ZNF292: variants seen among roughly 807,000 people sequenced by gnomAD.
ZNF292 encodes the protein zinc finger protein 292.
ZNF292 carries 26 observed loss-of-function variants against 217.9 expected under a neutral mutation model. The observed-to-expected ratio is 0.12, with a 90% CI of 0.09 to 0.17. The LOEUF is 0.17. Among genes scored for constraint, ZNF292 ranks in the 10% least tolerant of loss-of-function variants. The pLI, the probability that ZNF292 is intolerant of heterozygous loss-of-function variation, is 1.00. For synonymous variants in ZNF292, 1,257 were observed against 1,124.1 expected (o/e 1.12, Z -2.37); for missense variants, 2,904 against 3,175.2 (o/e 0.91, Z 2.05).
At chr6:87,253,160 C>T (rs2127853284) in intron 7 of ZNF292, among the ~76,000 whole-genome samples, 1 of 151,382 alleles carries the variant, frequency 6.6e-6, no homozygotes, top group South Asian at 2.1e-4. Context: ...CAGTCCCTCC[C>T]ACCTTGCCTT....
intron 5 of ZNF292, among the ~76,000 whole-genome samples, chr6:87,239,289 G>GCGCCAGCTGGGCAGAGGCGCCC (rs1562165122): frequency 6.6e-6 from 1 of 151,826 alleles, no homozygotes; most frequent in East Asian, 2.0e-4. Flanking sequence ...CCCGGACGGG[G>GCGCCAGCTGGGCAGAGGCGCCC]CGCCAGCTGG....
chr6:87,239,340 A>C (rs1292276172), intron 5 of ZNF292, among the ~76,000 whole-genome samples: 1 of 128,362 alleles, frequency 7.8e-6, no homozygotes, highest in African/African-American at 2.9e-5. Context: ...GCGGCTGGCC[A>C]GGCGGGGGCT....
rs534438877 is a variant in ZNF292 at position 87,239,221 on chromosome 6, G to A, written c.742-4254G>A. ...ACACCTCCCAGACGGGGTGGCGGCC[G>A]GGCAGAGGGGCTCCTCAATTCCCAG... On this transcript the variant is annotated intron_variant, in intron 5 of 7. Coordinates refer to ENST00000369577, the MANE Select transcript of ZNF292 (RefSeq NM_015021.3). Among the ~76,000 whole-genome samples the A allele has an allele frequency of 9.4e-3, 1,427 of 152,194 alleles. 10 individuals carry two copies. Among genetic ancestry groups the A allele is most frequent in the African/African-American group, 0.032 (1,340 of 41,510 alleles).
intron 1 of ZNF292, among the ~76,000 whole-genome samples, chr6:87,180,994 G>A (rs549257673): frequency 6.6e-6 from 1 of 152,172 alleles, no homozygotes; most frequent in Non-Finnish European, 1.5e-5. Flanking sequence ...AGACAGGTAG[G>A]TGCAGAGACC....
intron 1 of ZNF292, chr6:87,170,124 A>G (rs1282172177): frequency 6.6e-6 from 1 of 152,248 alleles, no homozygotes; most frequent in Non-Finnish European, 1.5e-5. Flanking sequence ...AAATAATGCA[A>G]ATTTTAATTT....
intron 1 of ZNF292, among the ~76,000 whole-genome samples, chr6:87,200,616 AG>A (rs1772075929): frequency 6.6e-6 from 1 of 152,242 alleles, no homozygotes; most frequent in Admixed American, 6.5e-5. Flanking sequence ...AGAATATGCA[AG>A]AACAGAGAAA....
intron 1 of ZNF292, among the ~76,000 whole-genome samples, chr6:87,166,174 C>T (rs540315561): frequency 3.3e-5 from 5 of 152,292 alleles, no homozygotes; most frequent in African/African-American, 1.2e-4. Context: ...ACCCATTGCG[C>T]TCTCCCTCCA....
At chr6:87,225,373 A>G (rs1773295712) in intron 4 of ZNF292, among the ~76,000 whole-genome samples, 1 of 152,096 alleles carries the variant, frequency 6.6e-6, no homozygotes, top group Non-Finnish European at 1.5e-5. Flanking sequence ...ACATTTTCAT[A>G]AAGTCCTACT....
rs41273277 is a variant in ZNF292 at position 87,258,555 on chromosome 6, C to T, written c.4926C>T (p.Asn1642=). The T allele has an allele frequency of 4.4e-3, 7,133 of 1,613,712 alleles. 26 individuals are homozygous for T. The highest frequency in any genetic ancestry group is 5.5e-3 in the Non-Finnish European group (6,510 of 1,179,758). Residue 1642 remains asparagine, a synonymous_variant, in exon 8 of 8, where the codon AAC becomes AAT. Transcript: ENST00000369577. ...TTGCTCCTCCACTAATTGCACCTAA[C>T]GCTTCCCAAAACTTGGTAACAAGTG... is the stretch of plus-strand genomic sequence containing the variant. ...KKVAPPLIAP[N]ASQNLVTSDL...
intron 4 of ZNF292, among the ~76,000 whole-genome samples, chr6:87,232,213 C>T (rs867090618): frequency 2.0e-5 from 3 of 152,066 alleles, no homozygotes; most frequent in Middle Eastern, 3.4e-3. Flanking sequence ...TTAATACCAA[C>T]GAGCCATGAT....
At chr6:87,252,301 G>A (rs918618559) in intron 7 of ZNF292, among the ~76,000 whole-genome samples, 3 of 151,814 alleles carry the variant, frequency 2.0e-5, no homozygotes, top group African/African-American at 7.3e-5. Flanking sequence ...ACAGGTGCCC[G>A]CCACCACGCC....
intron 4 of ZNF292, among the ~76,000 whole-genome samples, chr6:87,220,139 TAA>T (rs1397830699): frequency 1.3e-5 from 2 of 152,322 alleles, no homozygotes; most frequent in South Asian, 2.1e-4. Context: ...ACAATAAATT[TAA>T]AAGTTGAGAA....
rs751563218 is a variant in ZNF292 at position 87,258,299 on chromosome 6, A to G, written c.4670A>G (p.Lys1557Arg). The G allele has an allele frequency of 1.7e-5, 28 of 1,613,430 alleles. No homozygotes were observed. The highest frequency in any genetic ancestry group is 2.7e-5 in the African/African-American group (2 of 74,914). ...LTNQNRTSNS[K>R]TSSIEECSSL... ...AACCAGAATAGGACGTCAAACTCCA[A>G]AACTTCCTCCATTGAGGAATGTAGC... The change falls in exon 8 of 8, where the codon AAA (lysine) becomes AGA (arginine). Residue 1557 changes from lysine (K) to arginine (R), a missense_variant. This residue lies in a region of ZNF292 where 622 missense variants were observed against 573.1 expected (regional missense o/e 1.09). Coordinates refer to ENST00000369577, the MANE Select transcript of ZNF292 (RefSeq NM_015021.3).
intron 1 of ZNF292, among the ~76,000 whole-genome samples, chr6:87,166,506 G>A (rs1770920641): frequency 6.6e-6 from 1 of 152,148 alleles, no homozygotes; most frequent in South Asian, 2.1e-4. Context: ...TCTGGCACAA[G>A]GAAGACATCA....
chr6:87,187,714 C>CAA (rs10687268), intron 1 of ZNF292, among the ~76,000 whole-genome samples: 17,522 of 96,518 alleles, frequency 0.18, 2,677 homozygotes, highest in African/African-American at 0.4. Context: ...GACTCTGCCT[C>CAA]AAAAAAAAAA....
At chr6:87,169,481 C>T (rs192306842) in intron 1 of ZNF292, among the ~76,000 whole-genome samples, 1 of 152,164 alleles carries the variant, frequency 6.6e-6, no homozygotes, top group Admixed American at 6.5e-5. Flanking sequence ...AATCAGAAAG[C>T]TATTATATCA....
chr6:87,211,519 G>C (rs1328811594), intron 1 of ZNF292, among the ~76,000 whole-genome samples: 1 of 152,072 alleles, frequency 6.6e-6, no homozygotes, highest in Non-Finnish European at 1.5e-5. Flanking sequence ...GCCTTTCCTA[G>C]CTCTGTGGTC....
intron 1 of ZNF292, among the ~76,000 whole-genome samples, chr6:87,165,606 A>C (rs1161288672): frequency 6.6e-6 from 1 of 152,174 alleles, no homozygotes; most frequent in Non-Finnish European, 1.5e-5. Context: ...ACAGTTTGAA[A>C]AATACTATTT....
intron 6 of ZNF292, among the ~76,000 whole-genome samples, chr6:87,244,848 C>T (rs1477861515): frequency 1.3e-5 from 2 of 151,868 alleles, no homozygotes; most frequent in African/African-American, 2.4e-5. Context: ...TATATATACA[C>T]ATGCACACAC....
Sources: allele counts gnomAD v4.1 joint callset (sites outside exome capture counted in the v4.1 genomes callset), GRCh38; gene constraint gnomAD v4.1.1; regional missense constraint gnomAD v4.1.1; transcripts MANE v1.5; gene names NCBI Gene and HGNC (gene_info 2026-07-23, HGNC 2026-07-21).